ARHGEF10: variants seen among roughly 807,000 people sequenced by gnomAD.
The protein encoded by ARHGEF10 is Rho guanine nucleotide exchange factor (GEF) 10.
A neutral mutation model predicts 147.4 loss-of-function variants in ARHGEF10; 140 were observed. The ratio of observed to expected loss-of-function variants is 0.95; its 90% CI spans 0.83 to 1.09. The LOEUF is 1.09. Among genes scored for constraint, ARHGEF10 ranks in the 50% least tolerant of loss-of-function variants. The probability of loss-of-function intolerance (pLI) is 0.00; values close to 1 mark genes in which losing one functional copy is unlikely to be tolerated. For synonymous variants in ARHGEF10, 902 were observed against 695.8 expected (o/e 1.30, Z -4.67); for missense variants, 2,222 against 1,752.7 (o/e 1.27, Z -4.78).
intron 2 of ARHGEF10, among the ~76,000 whole-genome samples, chr8:1,853,681 G>A (rs1321898145): frequency 1.3e-5 from 2 of 152,210 alleles, no homozygotes; most frequent in Non-Finnish European, 2.9e-5. Flanking sequence ...AAAGGGCTTG[G>A]CCGAGCTTGC....
intron 2 of ARHGEF10, among the ~76,000 whole-genome samples, chr8:1,851,096 G>T (rs1329954150): frequency 1.3e-5 from 2 of 152,184 alleles, no homozygotes; most frequent in Non-Finnish European, 2.9e-5. Context: ...CTTGATAATG[G>T]TGCATCCATG....
At chr8:1,941,601 CTT>C (rs1814096111) in intron 26 of ARHGEF10, among the ~76,000 whole-genome samples, 1 of 151,540 alleles carries the variant, frequency 6.6e-6, no homozygotes, top group African/African-American at 2.4e-5. Context: ...TTAAACAAAA[CTT>C]GACAAGCACA....
chr8:1,913,410 C>A (rs1811523186), intron 18 of ARHGEF10, among the ~76,000 whole-genome samples: 1 of 152,204 alleles, frequency 6.6e-6, no homozygotes, highest in Admixed American at 6.5e-5. Flanking sequence ...TGAAAGGAAA[C>A]ACTCCTTCAG....
chr8:1,905,616 A>G lies in ARHGEF10; in HGVS notation c.1867A>G (p.Ile623Val), dbSNP rs144835192. 1.4e-4 allele frequency: 223 copies of G among 1,614,222 alleles called. No individual in the cohort carries two copies. In the African/African-American group the frequency reaches 2.8e-3, roughly 20 times the overall value. The change falls in exon 17 of 29, where the codon ATA (isoleucine) becomes GTA (valine). Residue 623 changes from isoleucine (I) to valine (V), a missense_variant. Transcript: ENST00000349830. Reference protein sequence around the residue: ...SRYLIRSDDMIETVYNDRGEI... With the variant: ...SRYLIRSDDMVETVYNDRGEI... ...ATACCTCATTCGATCAGATGATATGATAGAAACAGTTTACAACGACAGAGG... is the reference window on the plus strand; with the variant it reads ...ATACCTCATTCGATCAGATGATATGGTAGAAACAGTTTACAACGACAGAGG...
chr8:1,833,256 A>G (rs1347990608), intron 1 of ARHGEF10, among the ~76,000 whole-genome samples: 1 of 150,178 alleles, frequency 6.7e-6, no homozygotes, highest in Non-Finnish European at 1.5e-5. Flanking sequence ...AGAGGCCGAG[A>G]CAGAGGCAGA....
chr8:1,865,845 C>T (rs1806559022), intron 5 of ARHGEF10, among the ~76,000 whole-genome samples: 1 of 152,234 alleles, frequency 6.6e-6, no homozygotes. Context: ...CGGGCTCATC[C>T]TTGCACAGCT....
intron 17 of ARHGEF10, among the ~76,000 whole-genome samples, chr8:1,908,527 C>T (rs985538551): frequency 5.3e-5 from 8 of 152,138 alleles, no homozygotes; most frequent in Admixed American, 2.0e-4. Flanking sequence ...CCACCGCGCC[C>T]GGCCCACACT....
In ARHGEF10 at chr8:1,937,410, G is replaced by T. The variant is rs1333086076; in HGVS notation, c.3222+3468G>T. ...AGTATACGGTGATCTTGGATCAGCC[G>T]CCTACCTGGGTCTCAATTGTCTGAG... On this transcript the variant is annotated intron_variant, in intron 26 of 28. Transcript: ENST00000349830. This position sits in a 1 kb window ranked among gnomAD's most constrained non-coding sequence, Gnocchi z 4.9. Among the ~76,000 whole-genome samples the T allele has an allele frequency of 6.6e-6, 1 of 152,104 alleles. No homozygotes were observed. The highest frequency in any genetic ancestry group is 1.5e-5 in the Non-Finnish European group (1 of 67,996).
At chr8:1,864,639 A>ATAAC (rs765310134) in intron 5 of ARHGEF10, among the ~76,000 whole-genome samples, 2 of 152,198 alleles carry the variant, frequency 1.3e-5, no homozygotes, top group Admixed American at 6.5e-5. Flanking sequence ...TGAGGGTCTG[A>ATAAC]TAACTGGGTC....
intron 1 of ARHGEF10, among the ~76,000 whole-genome samples, chr8:1,835,649 CT>C (rs1046664659): frequency 3.3e-5 from 5 of 152,224 alleles, no homozygotes; most frequent in African/African-American, 9.6e-5. Context: ...ATGGGCTCCC[CT>C]GACCTCCTTT....
Position 1,885,720 on chromosome 8 carries a change from G to T in ARHGEF10, c.1182+13G>T. 1 of 1,582,360 alleles carries T rather than the reference G, an allele frequency of 6.3e-7. No homozygotes were observed. The highest frequency in any genetic ancestry group is 2.2e-5 in the East Asian group (1 of 44,734). ...ATCTCAGCAGCAGGTGAGATGAGCAGAGCTGACAGGGGCTGTTGACCAGCA... is the reference window on the plus strand; with the variant it reads ...ATCTCAGCAGCAGGTGAGATGAGCATAGCTGACAGGGGCTGTTGACCAGCA... On this transcript the variant is annotated intron_variant, in intron 11 of 28. Transcript: ENST00000349830.
rs1811172405 is a variant in ARHGEF10 at position 1,909,347 on chromosome 8, A to G, written c.2020A>G (p.Ser674Gly). 1 of 1,614,090 alleles carries G rather than the reference A, an allele frequency of 6.2e-7. No homozygotes were observed. The highest frequency in any genetic ancestry group is 1.7e-5 in the Admixed American group (1 of 59,994). Reference sequence around the variant, plus strand: ...CAGCCAGAGGTACTTGCTGAAGTGGAGCGTTCCACTGGGACATGTGGACGC... The same window carrying G: ...CAGCCAGAGGTACTTGCTGAAGTGGGGCGTTCCACTGGGACATGTGGACGC... ...MSSQRYLLKW[S>G]VPLGHVDAIE... Residue 674 changes from serine (S) to glycine (G), a missense_variant, in exon 18 of 29, where the codon AGC becomes GGC. Ser to Gly is a moderately conservative substitution (Grantham distance 56). Coordinates refer to ENST00000349830, the MANE Select transcript of ARHGEF10 (RefSeq NM_014629.4).
At chr8:1,921,791 G>GCCC (rs1812311546) in intron 18 of ARHGEF10, among the ~76,000 whole-genome samples, 1 of 152,078 alleles carries the variant, frequency 6.6e-6, no homozygotes, top group South Asian at 2.1e-4. Flanking sequence ...CCGAGCCTGA[G>GCCC]ACCAAGTTCT....
rs1237673361 is a variant in ARHGEF10 at position 1,948,939 on chromosome 8, T to C, written c.3397+3284T>C. Among the ~76,000 whole-genome samples, 1 of 152,138 alleles carries C rather than the reference T, an allele frequency of 6.6e-6. No homozygotes were observed. Among genetic ancestry groups the C allele is most frequent in the African/African-American group, 2.4e-5 (1 of 41,414 alleles). ...AAGATGGTTCCTGGAGGCCCACACA[T>C]GTCCTCTGTGCTCTGTTCGCACACA... On this transcript the variant is annotated intron_variant, in intron 27 of 28. Coordinates refer to ENST00000349830, the MANE Select transcript of ARHGEF10 (RefSeq NM_014629.4). This position sits in a 1 kb window ranked among gnomAD's most constrained non-coding sequence, Gnocchi z 4.9.
At chr8:1,829,848 G>A (rs558133718) in intron 1 of ARHGEF10, among the ~76,000 whole-genome samples, 11 of 152,330 alleles carry the variant, frequency 7.2e-5, no homozygotes, top group African/African-American at 2.6e-4. Context: ...CTGCTGGGAC[G>A]GCGGCAGGCA....
At chr8:1,944,158 T>C (rs539445238) in intron 26 of ARHGEF10, among the ~76,000 whole-genome samples, 39 of 117,818 alleles carry the variant, frequency 3.3e-4, no homozygotes, top group South Asian at 1.1e-3. Context: ...GTCGCCTCCC[T>C]CGGGATCCCA....
intron 8 of ARHGEF10, among the ~76,000 whole-genome samples, chr8:1,878,352 A>G (rs1042561898): frequency 2.0e-5 from 3 of 151,828 alleles, no homozygotes; most frequent in Admixed American, 6.6e-5. Flanking sequence ...ACTACCAGCT[A>G]ATTTTTGTAT....
chr8:1,842,065 C>CCG (rs1400792263), intron 1 of ARHGEF10, among the ~76,000 whole-genome samples: 1 of 144,162 alleles, frequency 6.9e-6, no homozygotes, highest in Admixed American at 7.1e-5. Context: ...GGAACTGGGG[C>CCG]CGCGGCGGGA....
At position 1,876,589 on chromosome 8, in the gene ARHGEF10, A is replaced by G; in HGVS notation, c.698A>G (p.Asp233Gly). The change falls in exon 8 of 29, where the codon GAT (aspartate) becomes GGT (glycine). Residue 233 changes from aspartate (D) to glycine (G), a missense_variant. By Grantham distance (94) the Asp-to-Gly change is moderately conservative. Transcript: ENST00000349830. Reference sequence around the variant, plus strand: ...CACTCAGATGAAATGATTTATGATGATGTTGAGAATGGGGATGAAGGTGGA... The same window carrying G: ...CACTCAGATGAAATGATTTATGATGGTGTTGAGAATGGGGATGAAGGTGGA... ...DSEPDEMIYD[D>G]VENGDEGGNS... 1 of 1,614,196 alleles carries G rather than the reference A, an allele frequency of 6.2e-7. No homozygotes were observed. Among genetic ancestry groups the G allele is most frequent in the Non-Finnish European group, 8.5e-7 (1 of 1,180,008 alleles).
Sources: gnomAD v4.1 joint callset for allele counts (sites outside exome capture counted in the v4.1 genomes callset) on GRCh38, gnomAD v4.1.1 for gene constraint, Gnocchi (gnomAD v3.1) non-coding constraint, MANE v1.5 for transcripts, NCBI Gene and HGNC (gene_info 2026-07-23, HGNC 2026-07-21) for gene names.